Variants in WWOX observed in about 807,000 individuals in gnomAD.
WWOX encodes the protein WW domain containing oxidoreductase.
Under a neutral mutation model 46.2 loss-of-function variants are expected in WWOX, and 69 were observed. The ratio of observed to expected loss-of-function variants is 1.49; its 90% CI spans 1.23 to 1.82. The LOEUF is 1.82. Ranked by LOEUF, WWOX falls within the 40% of genes most tolerant of loss-of-function variation. The pLI, the probability that WWOX is intolerant of heterozygous loss-of-function variation, is 0.00. For missense variants in WWOX, 919 were observed against 542.6 expected, an observed-to-expected ratio of 1.69 and a Z score of -6.89; for synonymous variants, 359 against 202.6, an observed-to-expected ratio of 1.77 and a Z score of -6.56.
At chr16:78,645,648 C>G (rs1311048175) in intron 8 of WWOX, among the ~76,000 whole-genome samples, 1 of 152,044 alleles carries the variant, frequency 6.6e-6, no homozygotes, top group Non-Finnish European at 1.5e-5. Context: ...TTTAAAAGAA[C>G]CAACTCTCTG....
chr16:78,921,954 A>G (rs1421056193), intron 8 of WWOX, among the ~76,000 whole-genome samples: 1 of 152,228 alleles, frequency 6.6e-6, no homozygotes, highest in African/African-American at 2.4e-5. Flanking sequence ...GGGAAGAGAC[A>G]AATGGGGCAA....
At chr16:78,653,130 C>G (rs1040897224) in intron 8 of WWOX, among the ~76,000 whole-genome samples, 1 of 151,024 alleles carries the variant, frequency 6.6e-6, no homozygotes, top group Non-Finnish European at 1.5e-5. Flanking sequence ...AAATTGGGCT[C>G]GTAATATATA....
At chr16:78,733,480 G>T (rs939329891) in intron 8 of WWOX, among the ~76,000 whole-genome samples, 37 of 151,492 alleles carry the variant, frequency 2.4e-4, no homozygotes, top group African/African-American at 8.0e-4. Flanking sequence ...GGGCATGGTG[G>T]CTCATGCCTG....
intron 8 of WWOX, among the ~76,000 whole-genome samples, chr16:78,859,783 A>G (rs2052673650): frequency 6.6e-6 from 1 of 152,208 alleles, no homozygotes. Context: ...ATGGACATCG[A>G]TAGTTAAGTT....
intron 8 of WWOX, among the ~76,000 whole-genome samples, chr16:78,538,554 T>A (rs1254279891): frequency 6.6e-6 from 1 of 152,266 alleles, no homozygotes; most frequent in East Asian, 1.9e-4. Flanking sequence ...ACGAGCATGC[T>A]CTGAACTCCT....
chr16:78,852,427 A>G (rs746372677), intron 8 of WWOX, among the ~76,000 whole-genome samples: 35 of 152,324 alleles, frequency 2.3e-4, no homozygotes, highest in Admixed American at 3.3e-4. Flanking sequence ...AAACAGCACC[A>G]TGGGGAGATC....
intron 8 of WWOX, among the ~76,000 whole-genome samples, chr16:78,565,306 G>C (rs2345444): frequency 0.16 from 24,753 of 152,212 alleles, 2,440 homozygotes; most frequent in African/African-American, 0.28. Flanking sequence ...TTCAAAATCA[G>C]TCTCACCTGG....
At chr16:78,136,500 A>C (rs991875053) in intron 4 of WWOX, among the ~76,000 whole-genome samples, 1 of 152,168 alleles carries the variant, frequency 6.6e-6, no homozygotes, top group Admixed American at 6.5e-5. Context: ...AGCTCTTTCA[A>C]ATCTAGAGGA....
At chr16:79,004,133 C>T (rs758742564) in intron 8 of WWOX, 1 of 152,214 alleles carries the variant, frequency 6.6e-6, no homozygotes, top group South Asian at 2.1e-4. Context: ...CTTTATCATC[C>T]GTCTACCCAC....
intron 5 of WWOX, among the ~76,000 whole-genome samples, chr16:78,221,668 A>G (rs781633311): frequency 8.5e-5 from 13 of 152,232 alleles, no homozygotes; most frequent in African/African-American, 3.1e-4. Flanking sequence ...TTGCTAATTA[A>G]TGACCCAAGA....
At position 78,926,512 on chromosome 16, in the gene WWOX, A is replaced by T. The variant is rs561721387; in HGVS notation, c.1057-285096A>T. Among the ~76,000 whole-genome samples the T allele has an allele frequency of 2.0e-5, 3 of 152,316 alleles. No homozygotes were observed. The South Asian group carries it at 6.2e-4, about 32-fold the overall frequency. The stretch of plus-strand genomic sequence containing the variant: ...ATCCTTGTCTTTGAGGAGGAGCAGG[A>T]TGGCGAAGTCGCAGCCATTTAAAAA... On this transcript the variant is annotated intron_variant, in intron 8 of 8. Transcript: ENST00000566780.
chr16:78,414,493 C>A (rs9926269), intron 6 of WWOX, among the ~76,000 whole-genome samples: 1 of 152,258 alleles, frequency 6.6e-6, no homozygotes, highest in African/African-American at 2.4e-5. Context: ...CACTTAAACC[C>A]AGGAGGAGGA....
intron 8 of WWOX, among the ~76,000 whole-genome samples, chr16:78,782,648 G>A (rs1184153388): frequency 6.7e-6 from 1 of 150,196 alleles, no homozygotes; most frequent in African/African-American, 2.4e-5. Context: ...CTTTCTTTCC[G>A]GTCTTTCTTT....
intron 8 of WWOX, among the ~76,000 whole-genome samples, chr16:79,181,318 A>G (rs1597452250): frequency 6.6e-6 from 1 of 152,210 alleles, no homozygotes; most frequent in African/African-American, 2.4e-5. Flanking sequence ...GAGTAGCCCT[A>G]ATTAAATCAA....
At chr16:78,631,410 C>T (rs1373390649) in intron 8 of WWOX, among the ~76,000 whole-genome samples, 3 of 152,144 alleles carry the variant, frequency 2.0e-5, no homozygotes, top group African/African-American at 4.8e-5. Flanking sequence ...GATATTCCAG[C>T]TATGGCAAAC....
chr16:78,140,135 TG>T (rs796738510), intron 4 of WWOX, among the ~76,000 whole-genome samples: 1 of 152,170 alleles, frequency 6.6e-6, no homozygotes, highest in African/African-American at 2.4e-5. Context: ...TGTGTCAAGT[TG>T]GTTGAAAACT....
At chr16:78,505,210 T>A (rs2085164278) in intron 8 of WWOX, among the ~76,000 whole-genome samples, 2 of 152,190 alleles carry the variant, frequency 1.3e-5, no homozygotes, top group African/African-American at 4.8e-5. Flanking sequence ...CCCAAATGAA[T>A]TCTAATCGTC....
intron 8 of WWOX, among the ~76,000 whole-genome samples, chr16:78,666,190 G>A (rs749220171): frequency 2.0e-5 from 3 of 152,118 alleles, no homozygotes; most frequent in Non-Finnish European, 4.4e-5. Context: ...AGGAGGCTAA[G>A]GCAGGGGGAT....
intron 5 of WWOX, among the ~76,000 whole-genome samples, chr16:78,328,094 G>A (rs1028559314): frequency 3.9e-5 from 6 of 152,010 alleles, no homozygotes; most frequent in Admixed American, 3.3e-4. Flanking sequence ...GGCTGGTCTT[G>A]AACTCCTGGC....
Sources: allele counts gnomAD v4.1 joint callset (sites outside exome capture counted in the v4.1 genomes callset), GRCh38; gene constraint gnomAD v4.1.1; transcripts MANE v1.5; gene names NCBI Gene and HGNC (gene_info 2026-07-23, HGNC 2026-07-21).